The following EXTL3 variants were observed in gnomAD, a reference collection of about 807,000 sequenced individuals.
The protein encoded by EXTL3 is exostosin like glycosyltransferase 3.
EXTL3 carries 27 observed loss-of-function variants against 69.3 expected under a neutral mutation model. The observed-to-expected ratio is 0.39, with a 90% CI of 0.29 to 0.54. The LOEUF (loss-of-function observed/expected upper bound fraction) is 0.54. Ranked by LOEUF, EXTL3 falls within the 20% of genes least tolerant of loss-of-function variation. EXTL3 has a pLI of 0.69. For synonymous variants in EXTL3, 511 were observed against 499.4 expected (o/e 1.02, Z -0.31); for missense variants, 1,003 against 1,231.8 (o/e 0.81, Z 2.78).
chr8:28,663,650 C>T (rs1007411931), intron 1 of EXTL3, among the ~76,000 whole-genome samples: 2 of 152,090 alleles, frequency 1.3e-5, no homozygotes, highest in Non-Finnish European at 2.9e-5. Context: ...CGAGGTTTCA[C>T]CATGTTGGCC....
At chr8:28,661,193 GTGAT>G (rs1220219595) in intron 1 of EXTL3, among the ~76,000 whole-genome samples, 1 of 151,916 alleles carries the variant, frequency 6.6e-6, no homozygotes, top group Non-Finnish European at 1.5e-5. Context: ...GATTACAGGT[GTGAT>G]TGTTTGTTTC....
intron 3 of EXTL3, among the ~76,000 whole-genome samples, chr8:28,729,765 C>G (rs142685403): frequency 6.6e-6 from 1 of 151,386 alleles, no homozygotes; most frequent in Non-Finnish European, 1.5e-5. Flanking sequence ...CTTTCGGAGC[C>G]GAGATAGGAG....
intron 1 of EXTL3, among the ~76,000 whole-genome samples, chr8:28,669,541 G>T (rs866059280): frequency 6.6e-6 from 1 of 152,206 alleles, no homozygotes; most frequent in Non-Finnish European, 1.5e-5. Context: ...TTGAGAAGGG[G>T]TGTGTGTGTT....
At chr8:28,645,271 C>A (rs915430449) in intron 1 of EXTL3, among the ~76,000 whole-genome samples, 5 of 152,198 alleles carry the variant, frequency 3.3e-5, no homozygotes, top group African/African-American at 1.2e-4. Flanking sequence ...TTTGACCCAG[C>A]AAGTCTACTT....
intron 4 of EXTL3, 59 bp downstream of exon 4, chr8:28,731,409 G>C: frequency 6.3e-7 from 1 of 1,599,692 alleles, no homozygotes. Context: ...ACCTGGATTA[G>C]GCTGCAAAAT....
At chr8:28,668,153 G>C (rs574560481) in intron 1 of EXTL3, among the ~76,000 whole-genome samples, 1 of 151,424 alleles carries the variant, frequency 6.6e-6, no homozygotes. Flanking sequence ...TGTAGTGGCA[G>C]CTACTTGTGA....
At chr8:28,659,771 T>C (rs1249569663) in intron 1 of EXTL3, among the ~76,000 whole-genome samples, 2 of 152,230 alleles carry the variant, frequency 1.3e-5, no homozygotes, top group Non-Finnish European at 2.9e-5. Context: ...ATCTGCCACA[T>C]ATGCAAACAT....
chr8:28,691,330 T>A (rs1180766565), intron 1 of EXTL3, among the ~76,000 whole-genome samples: 1 of 152,240 alleles, frequency 6.6e-6, no homozygotes, highest in Non-Finnish European at 1.5e-5. Flanking sequence ...TGTGGACTGA[T>A]GAAAACTTCA....
intron 1 of EXTL3, among the ~76,000 whole-genome samples, chr8:28,645,475 TGGAAA>T (rs1806813507): frequency 2.0e-5 from 3 of 152,240 alleles, no homozygotes; most frequent in Non-Finnish European, 4.4e-5. Flanking sequence ...ATTTATTAAT[TGGAAA>T]ACCTGAGCTA....
In EXTL3 at chr8:28,750,889, G is replaced by A; in HGVS notation, c.*23G>A. ...TAGGGGCAGCGCACGGTCTGGGGAA[G>A]AGGATGAGCAGAGGGAGGAAGATGG... On this transcript the variant is annotated 3_prime_UTR_variant, in exon 7 of 7. Transcript: ENST00000220562. The surrounding 1 kb of genome is among the most constrained non-coding windows in gnomAD (Gnocchi z 5.2). The A allele has an allele frequency of 1.2e-6, 2 of 1,607,216 alleles. No individual in the cohort carries two copies. The highest frequency in any genetic ancestry group is 2.2e-5 in the South Asian group (2 of 90,970).
chr8:28,693,569 A>G (rs1017551389), intron 1 of EXTL3, among the ~76,000 whole-genome samples: 2 of 152,234 alleles, frequency 1.3e-5, no homozygotes, highest in African/African-American at 4.8e-5. Context: ...TGAGTTAACA[A>G]ATAGTTTCTT....
At chr8:28,610,939 C>T (rs1474343915) in intron 2 of EXTL3, among the ~76,000 whole-genome samples, 2 of 152,054 alleles carry the variant, frequency 1.3e-5, no homozygotes, top group Non-Finnish European at 2.9e-5. Flanking sequence ...GATGGGGTTT[C>T]ACCATGTTGG....
upstream of EXTL3, chr8:28,701,179 T>C (rs915305335): frequency 1.3e-5 from 2 of 152,070 alleles, no homozygotes; most frequent in East Asian, 1.9e-4. Flanking sequence ...GAAGCGGCGG[T>C]GGCTCGGGAG....
chr8:28,611,253 T>C (rs1446599076), intron 2 of EXTL3, among the ~76,000 whole-genome samples: 1 of 152,100 alleles, frequency 6.6e-6, no homozygotes, highest in Non-Finnish European at 1.5e-5. Flanking sequence ...GAGTTGAGGA[T>C]CAGTGTGGGC....
At chr8:28,630,955 TATAAAAC>T (rs933476485) in intron 1 of EXTL3, among the ~76,000 whole-genome samples, 68 of 152,326 alleles carry the variant, frequency 4.5e-4, no homozygotes, top group Non-Finnish European at 6.2e-4. Context: ...TTTTTAAAAT[TATAAAAC>T]ATAAAAGTGA....
chr8:28,756,377 T>TTGGGTG (rs1191953333), downstream of EXTL3, among the ~76,000 whole-genome samples: 7 of 152,238 alleles, frequency 4.6e-5, no homozygotes, highest in Non-Finnish European at 8.8e-5. Context: ...TGTGTCCGTC[T>TTGGGTG]TCTACACACC....
intron 1 of EXTL3, among the ~76,000 whole-genome samples, chr8:28,650,172 G>A (rs1392052380): frequency 6.7e-6 from 1 of 148,558 alleles, no homozygotes; most frequent in African/African-American, 2.5e-5. Flanking sequence ...CTCCAGCCGG[G>A]GTGACAGAGT....
In EXTL3 at chr8:28,688,180, G is replaced by A. The variant is rs546913530; in HGVS notation, c.-52-25277G>A. Among the ~76,000 whole-genome samples, 3 of 151,334 alleles carry A rather than the reference G, an allele frequency of 2.0e-5. No individual in the cohort carries two copies. The South Asian group carries it at 6.3e-4, about 32-fold the overall frequency. On this transcript the variant is annotated intron_variant, in intron 1 of 6. Transcript: ENST00000523149. ...AGGTTCAAGCAATTCTCCTGTCTCA[G>A]CCTCCCAAGTAGCTGGGATTACAGG...
chr8:28,666,384 C>A (rs1212332685), intron 1 of EXTL3, among the ~76,000 whole-genome samples: 1 of 151,550 alleles, frequency 6.6e-6, no homozygotes, highest in African/African-American at 2.4e-5. Flanking sequence ...CTCAAGTGAT[C>A]CTCCTGCCTC....
Sources: allele counts gnomAD v4.1 joint callset (sites outside exome capture counted in the v4.1 genomes callset), GRCh38; gene constraint gnomAD v4.1.1; non-coding constraint Gnocchi (gnomAD v3.1); transcripts MANE v1.5; gene names NCBI Gene and HGNC (gene_info 2026-07-23, HGNC 2026-07-21).